SH3BGR: variants seen among roughly 807,000 people sequenced by gnomAD.
The protein encoded by SH3BGR is SH3 domain-binding glutamic acid-rich protein.
Under a neutral mutation model 24.5 loss-of-function variants are expected in SH3BGR, and 29 were observed. The ratio of observed to expected loss-of-function variants is 1.18; its 90% confidence interval spans 0.88 to 1.61. SH3BGR has a LOEUF of 1.61. SH3BGR is among the 40% of genes most tolerant of loss of function. SH3BGR has a pLI of 0.00. For missense variants in SH3BGR, 162 were observed against 205.8 expected, an observed-to-expected ratio of 0.79 and a Z score of 1.30; for synonymous variants, 55 against 65.7, an observed-to-expected ratio of 0.84 and a Z score of 0.79.
intron 3 of SH3BGR, among the ~76,000 whole-genome samples, chr21:39,495,723 T>G (rs1042922224): frequency 6.6e-6 from 1 of 152,130 alleles, no homozygotes; most frequent in Admixed American, 6.5e-5. Flanking sequence ...CCTCAAGTGA[T>G]CCTCCCATCT....
chr21:39,479,229 G>GTGA (rs770856184), intron 3 of SH3BGR, among the ~76,000 whole-genome samples: 6 of 142,126 alleles, frequency 4.2e-5, no homozygotes, highest in South Asian at 4.4e-4. Context: ...GGTAAGGGTG[G>GTGA]TGGTGGTGGT....
At chr21:39,487,227 C>T (rs1041561295) in intron 3 of SH3BGR, among the ~76,000 whole-genome samples, 7 of 152,154 alleles carry the variant, frequency 4.6e-5, no homozygotes, top group Non-Finnish European at 8.8e-5. Context: ...ACTGCAGCCT[C>T]GACCTTCTGG....
chr21:39,504,994 G>T (rs753112242), intron 4 of SH3BGR, among the ~76,000 whole-genome samples: 16 of 152,160 alleles, frequency 1.1e-4, no homozygotes, highest in Non-Finnish European at 2.1e-4. Flanking sequence ...TACATTTTTT[G>T]TAGAGATGGG....
In SH3BGR at chr21:39,458,647, C is replaced by CTTT. The variant is rs569511494; in HGVS notation, c.46-3713_46-3711dup. On this transcript the variant is annotated intron_variant, in intron 1 of 6. Transcript: ENST00000333634. ...GCCACTGTGCCTGGCCTAAATCTCA[C>CTTT]TTTTTTTTTTTTTTTTTGAGACAGA... 9.3e-4 allele frequency among the ~76,000 whole-genome samples: 121 copies of CTTT among 130,278 alleles called. 1 individual carries two copies. The highest frequency in any genetic ancestry group is 4.8e-3 in the Middle Eastern group (1 of 208). 85.5% of individuals were successfully genotyped at this position (130,278 alleles called of 152,430 possible). A position where few individuals can be genotyped will look rare whatever the true frequency, so the allele number is the denominator to read the frequency against.
intron 3 of SH3BGR, among the ~76,000 whole-genome samples, chr21:39,484,673 C>A (rs1211497415): frequency 1.3e-5 from 2 of 152,198 alleles, no homozygotes; most frequent in African/African-American, 4.8e-5. Context: ...AGTCCAGATT[C>A]TTCTCTTCTG....
chr21:39,447,416 C>CATTT (rs1227234170), upstream of SH3BGR, among the ~76,000 whole-genome samples: 8 of 114,704 alleles, frequency 7.0e-5, no homozygotes, highest in Admixed American at 2.9e-4. Context: ...TTCGCTTTTG[C>CATTT]TTTTTTTTTT....
Position 39,515,070 on chromosome 21 carries a change from A to G in SH3BGR, c.*35-18A>G, listed in dbSNP as rs572991286. 1 of 468,538 alleles carries G rather than the reference A, an allele frequency of 2.1e-6. No homozygotes were observed. The highest frequency in any genetic ancestry group is 4.4e-6 in the Non-Finnish European group (1 of 225,916). The allele number at this position is 468,538 out of a possible 1,614,324, so 29.0% of individuals were successfully genotyped here. ...TCTTTCTCTACAGTCTTTCCCTAAT[A>G]TTTGCCTTTTCTTTTAGAAAATGGA... On this transcript the variant is annotated intron_variant, in intron 6 of 6. Transcript: ENST00000333634.
rs918889317 is a variant in SH3BGR at position 39,483,771 on chromosome 21, T to C, written c.312+8556T>C. Among the ~76,000 whole-genome samples, 58 of 152,310 alleles carry C rather than the reference T, an allele frequency of 3.8e-4. 1 individual carries two copies. The highest frequency in any genetic ancestry group is 3.2e-3 in the Admixed American group (49 of 15,292). On this transcript the variant is annotated intron_variant, in intron 3 of 6. Transcript: ENST00000333634. ...GGGACTTTATGGTCTAGAGGAATAG[T>C]TAGATGTGAGCATTCTGTAAGTAGA...
chr21:39,499,995 C>A, intron 4 of SH3BGR, 80 bp downstream of exon 4: 1 of 1,027,468 alleles, frequency 9.7e-7, no homozygotes, highest in South Asian at 1.3e-5. Flanking sequence ...CAACTTGACT[C>A]TGGGCACAAG....
At chr21:39,455,713 C>T (rs1018022383) in intron 1 of SH3BGR, among the ~76,000 whole-genome samples, 1 of 152,354 alleles carries the variant, frequency 6.6e-6, no homozygotes, top group Non-Finnish European at 1.5e-5. Context: ...TGTGCTCACT[C>T]CCCTCTTCCC....
chr21:39,482,402 A>G (rs1231226261), intron 3 of SH3BGR, among the ~76,000 whole-genome samples: 1 of 152,260 alleles, frequency 6.6e-6, no homozygotes, highest in East Asian at 1.9e-4. Flanking sequence ...TAAAGAAAGT[A>G]ACTGTAAAAT....
rs762820841 is a variant in SH3BGR, at chr21:39,452,090, T to A, written c.-7T>A. The A allele has an allele frequency of 1.5e-5, 25 of 1,614,032 alleles. No individual in the cohort carries two copies. Among genetic ancestry groups the A allele is most frequent in the Middle Eastern group, 1.6e-4 (1 of 6,084 alleles). ...TGTTGGGGGGAGTCCTCTTTCCAAC[T>A]GTCGAAATGGTTATCAAAGTGTTTG... On this transcript the variant is annotated 5_prime_UTR_variant, in exon 1 of 7. Coordinates refer to ENST00000333634, the MANE Select transcript of SH3BGR (RefSeq NM_007341.3).
At chr21:39,488,603 C>A in intron 3 of SH3BGR, 1 of 270,100 alleles carries the variant, frequency 3.7e-6, no homozygotes, top group South Asian at 5.3e-5. Flanking sequence ...ATGTCCGAGT[C>A]CAAGGATTAT....
At chr21:39,510,135 G>T (rs1312303398) in intron 5 of SH3BGR, among the ~76,000 whole-genome samples, 3 of 131,560 alleles carry the variant, frequency 2.3e-5, no homozygotes, top group Non-Finnish European at 4.8e-5. Context: ...GTAGAGACGG[G>T]GTTTCACCGT....
At chr21:39,447,788 A>G (rs147075676), upstream of SH3BGR, among the ~76,000 whole-genome samples, 638 of 152,216 alleles carry the variant, frequency 4.2e-3, 3 homozygotes, top group African/African-American at 0.014. Context: ...ATGGCCTTTC[A>G]CTATTCTGGG....
At chr21:39,447,577 G>A (rs1011010481), upstream of SH3BGR, among the ~76,000 whole-genome samples, 1 of 151,810 alleles carries the variant, frequency 6.6e-6, no homozygotes, top group Non-Finnish European at 1.5e-5. Context: ...CACAACACCC[G>A]GCTAATTCTT....
intron 2 of SH3BGR, among the ~76,000 whole-genome samples, chr21:39,464,165 T>G (rs965965435): frequency 2.0e-5 from 3 of 152,218 alleles, no homozygotes; most frequent in African/African-American, 7.2e-5. Context: ...CCCGCCCTCA[T>G]CCAGTATGGC....
At chr21:39,458,341 A>AT (rs202004286) in intron 1 of SH3BGR, among the ~76,000 whole-genome samples, 2 of 151,734 alleles carry the variant, frequency 1.3e-5, no homozygotes, top group African/African-American at 2.4e-5. Flanking sequence ...TATTATTTTT[A>AT]TTTTTTTTAA....
chr21:39,462,461 C>A lies in SH3BGR; in HGVS notation c.132C>A (p.Asp44Glu), dbSNP rs1242705366. Residue 44 changes from aspartate (D) to glutamate (E), a missense_variant, in exon 2 of 7, where the codon GAC becomes GAA. Physicochemically the swap from Asp to Glu is conservative, Grantham distance 45. Transcript: ENST00000333634. Reference sequence around the variant, plus strand: ...AATTAGATATTGCTGGAGATGAAGACAACAGGAGGTGGATGAGAGAGAATG... The same window carrying A: ...AATTAGATATTGCTGGAGATGAAGAAAACAGGAGGTGGATGAGAGAGAATG... ...FKELDIAGDE[D>E]NRRWMRENVP... The A allele has an allele frequency of 6.2e-7, 1 of 1,609,106 alleles. No individual in the cohort carries two copies. Among genetic ancestry groups the A allele is most frequent in the Admixed American group, 1.7e-5 (1 of 58,346 alleles).
Sources: allele counts gnomAD v4.1 joint callset (sites outside exome capture counted in the v4.1 genomes callset), GRCh38; gene constraint gnomAD v4.1.1; transcripts MANE v1.5; gene names NCBI Gene and HGNC (gene_info 2026-07-23, HGNC 2026-07-21).